PPEF2: variants seen among roughly 807,000 people sequenced by gnomAD.
The protein encoded by PPEF2 is serine/threonine-protein phosphatase with EF-hands 2.
In PPEF2, 84 loss-of-function variants were observed where a neutral mutation model predicts 84.7. The ratio of observed to expected loss-of-function variants is 0.99; its 90% CI spans 0.83 to 1.19. The LOEUF (loss-of-function observed/expected upper bound fraction) is 1.19, where lower values mean the gene tolerates loss of function less well. Among genes scored for constraint, PPEF2 ranks in the 50% most tolerant of loss-of-function variants. The probability of loss-of-function intolerance (pLI) is 0.00; values close to 1 mark genes in which losing one functional copy is unlikely to be tolerated. For synonymous variants in PPEF2, 346 were observed against 345.2 expected, an observed-to-expected ratio of 1.00 and a Z score of -0.03; for missense variants, 924 against 937.5, an observed-to-expected ratio of 0.99 and a Z score of 0.19.
At chr4:75,870,833 G>C (rs561607712) in intron 13 of PPEF2, among the ~76,000 whole-genome samples, 5 of 151,962 alleles carry the variant, frequency 3.3e-5, no homozygotes, top group African/African-American at 9.6e-5. Context: ...ACATTTTGTG[G>C]TTGTAATCTC....
intron 2 of PPEF2, among the ~76,000 whole-genome samples, chr4:75,896,045 C>T (rs954180805): frequency 6.6e-6 from 1 of 152,100 alleles, no homozygotes; most frequent in South Asian, 2.1e-4. Flanking sequence ...TGGGATCAAC[C>T]CCAATGGACA....
rs1724833934 is a variant in PPEF2 at position 75,889,964 on chromosome 4, A to G, written c.410T>C (p.Leu137Pro). The G allele has an allele frequency of 2.5e-6, 4 of 1,614,104 alleles. No homozygotes were observed. Among genetic ancestry groups the G allele is most frequent in the Admixed American group, 3.3e-5 (2 of 60,008 alleles). ...TTCCCCAGGTGAGCTTACTTGTTTC[A>G]GTCTGAATGCTTCTACCAGGGCAGT... Reference protein sequence around the residue: ...HATALVEAFRLKQQLHARYVL... With the variant: ...HATALVEAFRPKQQLHARYVL... Residue 137 changes from leucine to proline, a missense_variant, in exon 5 of 17, where the codon CTG (leucine) becomes CCG (proline). By Grantham distance (98) the Leu-to-Pro change is moderately conservative. Transcript: ENST00000286719.
At chr4:75,889,806 T>C in intron 5 of PPEF2, 151 bp downstream of exon 5, 1 of 809,636 alleles carries the variant, frequency 1.2e-6, no homozygotes, top group Non-Finnish European at 2.0e-6. Context: ...GACTGCAAGG[T>C]CCTGGCTAAG....
At chr4:75,888,529 GC>G (rs1218564941) in intron 5 of PPEF2, among the ~76,000 whole-genome samples, 2 of 151,814 alleles carry the variant, frequency 1.3e-5, no homozygotes, top group African/African-American at 2.4e-5. Context: ...ATTCCCACTT[GC>G]CCCCCCTGCA....
At chr4:75,877,300 G>T (rs1030279256) in intron 10 of PPEF2, among the ~76,000 whole-genome samples, 2 of 150,962 alleles carry the variant, frequency 1.3e-5, no homozygotes, top group African/African-American at 2.4e-5. Context: ...TTGCACCATT[G>T]CACTCCAGCC....
intron 1 of PPEF2, among the ~76,000 whole-genome samples, chr4:75,900,284 T>A (rs544385097): frequency 6.6e-6 from 1 of 152,290 alleles, no homozygotes; most frequent in Admixed American, 6.5e-5. Context: ...GGTGGCAGAA[T>A]AAGATGACCT....
chr4:75,860,609 T>C lies in PPEF2; in HGVS notation c.*58A>G. The C allele has an allele frequency of 6.3e-7, 1 of 1,592,846 alleles. No homozygotes were observed. Among genetic ancestry groups the C allele is most frequent in the Non-Finnish European group, 8.6e-7 (1 of 1,165,432 alleles). On this transcript the variant is annotated 3_prime_UTR_variant, in exon 17 of 17. Transcript: ENST00000286719. ...CACATGGAGAATAAGGGAGATAGTC[T>C]AGTGAGAAGCTGAGCATTGCCTATG...
intron 13 of PPEF2, among the ~76,000 whole-genome samples, chr4:75,871,616 G>A (rs1159543689): frequency 2.0e-5 from 3 of 152,094 alleles, no homozygotes; most frequent in Non-Finnish European, 4.4e-5. Flanking sequence ...GACTACAAGA[G>A]TACGCCACCA....
At chr4:75,900,651 C>A (rs940756616) in intron 1 of PPEF2, among the ~76,000 whole-genome samples, 5 of 152,088 alleles carry the variant, frequency 3.3e-5, no homozygotes, top group Non-Finnish European at 7.3e-5. Context: ...ATGAGGAGTA[C>A]TTTGCAAATG....
rs1725140244 is a variant in PPEF2, at chr4:75,902,329, G to C, written c.-158C>G. 1 of 152,186 alleles carries C rather than the reference G, an allele frequency of 6.6e-6. No homozygotes were observed. The highest frequency in any genetic ancestry group is 1.5e-5 in the Non-Finnish European group (1 of 68,050). 9.4% of individuals were successfully genotyped at this position (152,186 alleles called of 1,614,324 possible). On this transcript the variant is annotated 5_prime_UTR_variant, in exon 1 of 17. Transcript: ENST00000286719. ...CATCCTGTCTTCAGAGTTGGCTGAG[G>C]GATCCCAGGCTGATCTGATTTCTTT... is the stretch of plus-strand genomic sequence containing the variant.
intron 16 of PPEF2, among the ~76,000 whole-genome samples, chr4:75,862,489 G>T (rs1724031128): frequency 6.6e-6 from 1 of 151,778 alleles, no homozygotes; most frequent in Non-Finnish European, 1.5e-5. Context: ...AATGGACAAA[G>T]GATTTGAATA....
chr4:75,877,585 T>C (rs1724460485), intron 10 of PPEF2, among the ~76,000 whole-genome samples: 1 of 151,898 alleles, frequency 6.6e-6, no homozygotes, highest in Non-Finnish European at 1.5e-5. Context: ...AGAGTAAGTC[T>C]GAGAAACATT....
rs554647502 is a variant in PPEF2 at position 75,869,639 on chromosome 4, G to A, written c.1650-2220C>T. Among the ~76,000 whole-genome samples, 177 of 152,306 alleles carry A rather than the reference G, an allele frequency of 1.2e-3. 1 individual carries two copies. Among genetic ancestry groups the A allele is most frequent in the Non-Finnish European group, 1.5e-3 (100 of 68,038 alleles). On this transcript the variant is annotated intron_variant, in intron 13 of 16. Coordinates refer to ENST00000286719, the MANE Select transcript of PPEF2 (RefSeq NM_006239.3). The stretch of plus-strand genomic sequence containing the variant: ...AGGCAGGAGGATCACTTGAGCTCAG[G>A]AGTTTGAGACCAGCCTGGGCAGAAT...
At chr4:75,888,423 T>A in intron 5 of PPEF2, 95 bp from the exon 6 acceptor site, 1 of 858,020 alleles carries the variant, frequency 1.2e-6, no homozygotes, top group Non-Finnish European at 1.9e-6. Context: ...CCCCATCACC[T>A]AAGACCCCAA....
At chr4:75,882,846 G>A in intron 10 of PPEF2, 80 bp downstream of exon 10, 1 of 1,470,298 alleles carries the variant, frequency 6.8e-7, no homozygotes, top group Non-Finnish European at 9.2e-7. Context: ...GTTGACTGCA[G>A]TCAGCATGTA....
chr4:75,867,006 T>C (rs1363629817), intron 14 of PPEF2, among the ~76,000 whole-genome samples: 1 of 152,196 alleles, frequency 6.6e-6, no homozygotes, highest in Non-Finnish European at 1.5e-5. Flanking sequence ...ATTCATCTTT[T>C]GCCAGTCTTA....
rs1381376903 is a variant in PPEF2, at chr4:75,884,614, C to T, written c.726G>A (p.Glu242=). Residue 242 remains glutamate, a synonymous_variant, in exon 8 of 17, where the codon GAG becomes GAA. Coordinates refer to ENST00000286719, the MANE Select transcript of PPEF2 (RefSeq NM_006239.3). ...KEFHLNRGNH[E]DHMVNLRYGF... ...TGTACCGTAAGTTCACCATATGGTC[C>T]TCATGGTTTCCTCTGTTAAGATGGA... 6.2e-7 allele frequency: 1 copy of T among 1,607,814 alleles called. No homozygotes were observed. Among genetic ancestry groups the T allele is most frequent in the Non-Finnish European group, 8.5e-7 (1 of 1,178,510 alleles).
intron 10 of PPEF2, among the ~76,000 whole-genome samples, chr4:75,877,006 A>AAAAGAAAGAAAGAAAGAAAG (rs71657381): frequency 0.015 from 822 of 53,638 alleles, 204 homozygotes; most frequent in East Asian, 0.045. Context: ...AGACCCTGAA[A>AAAAGAAAGAAAGAAAGAAAG]AAAGAAAGAA....
intron 16 of PPEF2, among the ~76,000 whole-genome samples, chr4:75,863,410 G>A (rs1256303236): frequency 1.3e-5 from 2 of 150,950 alleles, no homozygotes; most frequent in African/African-American, 4.9e-5. Flanking sequence ...TGAGGCAGGA[G>A]AATCACTTGA....
Sources: allele counts gnomAD v4.1 joint callset (sites outside exome capture counted in the v4.1 genomes callset), GRCh38; gene constraint gnomAD v4.1.1; transcripts MANE v1.5; gene names NCBI Gene and HGNC (gene_info 2026-07-23, HGNC 2026-07-21).